SNX11: variants seen among roughly 807,000 people sequenced by gnomAD.
SNX11 encodes sorting nexin 11, also known as sorting nexin-11.
In SNX11, 19 loss-of-function variants were observed where a neutral mutation model predicts 30.7. The observed-to-expected ratio is 0.62, with a 90% CI of 0.43 to 0.91. SNX11 has a LOEUF of 0.91. Among genes scored for constraint, SNX11 ranks in the 40% least tolerant of loss-of-function variants. The pLI is 0.00. For missense variants in SNX11, 302 were observed against 326.7 expected, an observed-to-expected ratio of 0.92 and a Z score of 0.58; for synonymous variants, 112 against 119.0, an observed-to-expected ratio of 0.94 and a Z score of 0.38.
In SNX11 at chr17:48,118,774, C is replaced by G. The variant is rs755461882; in HGVS notation, c.301C>G (p.Gln101Glu). The change falls in exon 5 of 7, where the codon CAA becomes GAA. Residue 101 changes from glutamine to glutamate, a missense_variant. Physicochemically the swap from Gln to Glu is conservative, Grantham distance 29. Transcript: ENST00000359238. ...TSDEFIEKRR[Q>E]GLQHFLEKVL... The stretch of plus-strand genomic sequence containing the variant: ...AGATGAGTTCATTGAGAAGCGACGA[C>G]AAGGTCTGCAGCACTTCCTTGAAAA... 3.1e-6 allele frequency: 5 copies of G among 1,613,906 alleles called. No individual in the cohort carries two copies. The African/African-American group carries it at 5.3e-5, about 17-fold the overall frequency.
chr17:48,109,360 A>C (rs1463578969), intron 1 of SNX11, among the ~76,000 whole-genome samples: 1 of 148,966 alleles, frequency 6.7e-6, no homozygotes, highest in African/African-American at 2.5e-5. Context: ...CCTGGGTTCA[A>C]CTGATTCTCC....
At chr17:48,117,301 C>G (rs1359302195) in intron 4 of SNX11, among the ~76,000 whole-genome samples, 1 of 148,028 alleles carries the variant, frequency 6.8e-6, no homozygotes, top group Admixed American at 6.8e-5. Context: ...GTTGCCCAGG[C>G]TGGAGTGCAA....
rs2063615075 is a variant in SNX11 at position 48,123,073 on chromosome 17, A to G, written c.*1565A>G. The G allele has an allele frequency of 6.6e-6, 1 of 152,226 alleles. No homozygotes were observed. The highest frequency in any genetic ancestry group is 2.4e-5 in the African/African-American group (1 of 41,434). The allele number at this position is 152,226 out of a possible 1,614,324, so 9.4% of individuals were successfully genotyped here. On this transcript the variant is annotated 3_prime_UTR_variant, in exon 7 of 7. Coordinates refer to ENST00000359238, the MANE Select transcript of SNX11 (RefSeq NM_013323.3). Reference sequence around the variant, plus strand: ...TAAAGTTTGTCAACAGGCAGATGCAAAGCCCTGGCTGGTATTCATCCCTCT... The same window carrying G: ...TAAAGTTTGTCAACAGGCAGATGCAGAGCCCTGGCTGGTATTCATCCCTCT...
Position 48,113,406 on chromosome 17 carries a change from G to A in SNX11, c.230+5G>A, listed in dbSNP as rs757858237. 1 of 1,609,984 alleles carries A rather than the reference G, an allele frequency of 6.2e-7. No individual in the cohort carries two copies. The highest frequency in any genetic ancestry group is 8.5e-7 in the Non-Finnish European group (1 of 1,176,500). On this transcript the variant is annotated splice_donor_5th_base_variant and intron_variant, in intron 4 of 6. Transcript: ENST00000359238. ...ACAGAGAAATGCTGGTTTGGTGTGA[G>A]TTTGCTCTTGCTTCCTTCTTGGGTC...
intron 4 of SNX11, among the ~76,000 whole-genome samples, chr17:48,115,166 A>C (rs1222933130): frequency 2.0e-5 from 3 of 149,576 alleles, no homozygotes; most frequent in Non-Finnish European, 4.4e-5. Flanking sequence ...GGTTCAAGCG[A>C]TTCTCCTGCC....
rs1051311709 is a variant in SNX11, at chr17:48,122,523, G to A, written c.*1015G>A. 2 of 152,490 alleles carry A rather than the reference G, an allele frequency of 1.3e-5. No individual in the cohort carries two copies. Among genetic ancestry groups the A allele is most frequent in the Middle Eastern group, 3.2e-3 (1 of 316 alleles). The allele number at this position is 152,490 out of a possible 1,614,324, so 9.4% of individuals were successfully genotyped here. A position where few individuals can be genotyped will look rare whatever the true frequency, so the allele number is the denominator to read the frequency against. On this transcript the variant is annotated 3_prime_UTR_variant, in exon 7 of 7. Coordinates refer to ENST00000359238, the MANE Select transcript of SNX11 (RefSeq NM_013323.3). ...CCTGCTGCCATTCTTCATCTCCACT[G>A]AGAGCCAGAGCTGGTAGGAGCCGAG...
At chr17:48,111,544 G>A (rs1188167870) in intron 1 of SNX11, among the ~76,000 whole-genome samples, 1 of 151,918 alleles carries the variant, frequency 6.6e-6, no homozygotes, top group Admixed American at 6.6e-5. Context: ...CTACTCGGGA[G>A]ACTGAGGCAG....
In SNX11 at chr17:48,122,350, T is replaced by G. The variant is rs1002047738; in HGVS notation, c.*842T>G. 1 of 153,590 alleles carries G rather than the reference T, an allele frequency of 6.5e-6. No individual in the cohort carries two copies. Among genetic ancestry groups the G allele is most frequent in the Non-Finnish European group, 1.5e-5 (1 of 68,224 alleles). The allele number at this position is 153,590 out of a possible 1,614,324, so 9.5% of individuals were successfully genotyped here. On this transcript the variant is annotated 3_prime_UTR_variant, in exon 7 of 7. Coordinates refer to ENST00000359238, the MANE Select transcript of SNX11 (RefSeq NM_013323.3). ...TCTCCTTTGGTAGCAGCTCCCTGCC[T>G]CCAGGGCTTCCGCCACCAGCGTCTC...
At chr17:48,110,981 A>G in intron 1 of SNX11, 2 of 497,786 alleles carry the variant, frequency 4.0e-6, no homozygotes, top group South Asian at 1.7e-4. Context: ...TGATGTCGCT[A>G]TACACGTGAA....
chr17:48,112,247 G>A, intron 2 of SNX11, 162 bp downstream of exon 2: 1 of 737,218 alleles, frequency 1.4e-6, no homozygotes, highest in Non-Finnish European at 2.4e-6. Flanking sequence ...CAACAGCAGA[G>A]GCATTCCTAG....
rs556681257 is a variant in SNX11, at chr17:48,108,103, G to A, written c.-14+265G>A. 3 of 152,356 alleles carry A rather than the reference G, an allele frequency of 2.0e-5. No homozygotes were observed. In the South Asian group the frequency reaches 6.2e-4, roughly 32 times the overall value. The allele number at this position is 152,356 out of a possible 1,614,324, so 9.4% of individuals were successfully genotyped here. A position where few individuals can be genotyped will look rare whatever the true frequency, so the allele number is the denominator to read the frequency against. On this transcript the variant is annotated intron_variant, in intron 1 of 6. Transcript: ENST00000359238. Reference sequence around the variant, plus strand: ...AAAGAAGGACCATGTGGACCTTTCGGTCCTAGTTTGTTGAGAATGGAGAAA... The same window carrying A: ...AAAGAAGGACCATGTGGACCTTTCGATCCTAGTTTGTTGAGAATGGAGAAA...
chr17:48,112,708 AG>A, intron 3 of SNX11, 48 bp downstream of exon 3: 1 of 1,066,038 alleles, frequency 9.4e-7, no homozygotes, highest in Non-Finnish European at 1.4e-6. Context: ...TGCAGGGCTG[AG>A]GGGCTTGTAC....
chr17:48,107,657 C>A (rs1442531141), upstream of SNX11: 1 of 152,296 alleles, frequency 6.6e-6, no homozygotes, highest in Non-Finnish European at 1.5e-5. Context: ...CCGCGCTATT[C>A]GGAAGCGGGA....
intron 3 of SNX11, 198 bp downstream of exon 3, chr17:48,112,858 G>C (rs1406831175): frequency 8.8e-6 from 3 of 340,354 alleles, no homozygotes; most frequent in Admixed American, 4.5e-5. Context: ...AGCCTCCCAA[G>C]TAGCTGGGAT....
chr17:48,122,791 G>A lies in SNX11; in HGVS notation c.*1283G>A, dbSNP rs2063613486. 1.3e-5 allele frequency: 2 copies of A among 152,220 alleles called. No individual in the cohort carries two copies. Among genetic ancestry groups the A allele is most frequent in the Admixed American group, 1.3e-4 (2 of 15,278 alleles). 9.4% of individuals were successfully genotyped at this position (152,220 alleles called of 1,614,324 possible). ...TCTAACAAGCTGTAGCAGAGAAGGA[G>A]GGAGTGAGCGCTGGCAGTATTTCCT... On this transcript the variant is annotated 3_prime_UTR_variant, in exon 7 of 7. Transcript: ENST00000359238.
intron 4 of SNX11, among the ~76,000 whole-genome samples, chr17:48,116,191 G>A (rs547777636): frequency 6.6e-6 from 1 of 152,232 alleles, no homozygotes; most frequent in Admixed American, 6.5e-5. Context: ...CTGGGAGGCA[G>A]AGGTTGCAGT....
intron 4 of SNX11, among the ~76,000 whole-genome samples, chr17:48,116,573 T>C (rs1272698459): frequency 2.7e-5 from 4 of 150,656 alleles, no homozygotes; most frequent in Non-Finnish European, 3.0e-5. Context: ...ATTTCTTTTT[T>C]CCTTTTTTTT....
chr17:48,113,449 G>A, intron 4 of SNX11, 48 bp downstream of exon 4: 1 of 1,377,912 alleles, frequency 7.3e-7, no homozygotes, highest in Non-Finnish European at 1.0e-6. Context: ...GGCTTTTTGG[G>A]TGCTTATGTA....
At chr17:48,113,469 G>A in intron 4 of SNX11, 68 bp downstream of exon 4, 1 of 1,023,156 alleles carries the variant, frequency 9.8e-7, no homozygotes, top group South Asian at 1.3e-5. Context: ...AGGAACTGGA[G>A]TTGACAATGA....
Sources: gnomAD v4.1 joint callset for allele counts (sites outside exome capture counted in the v4.1 genomes callset) on GRCh38, gnomAD v4.1.1 for gene constraint, MANE v1.5 for transcripts, NCBI Gene and HGNC (gene_info 2026-07-23, HGNC 2026-07-21) for gene names.